Variants in PTPRM observed in about 807,000 individuals in gnomAD.
The protein encoded by PTPRM is protein tyrosine phosphatase receptor type M, also known as receptor-type tyrosine-protein phosphatase mu.
Under a neutral mutation model 186.7 loss-of-function variants are expected in PTPRM, and 47 were observed. That is an observed-to-expected ratio of 0.25 (90% CI 0.20 to 0.32). The LOEUF is 0.32. PTPRM is among the 10% of genes least tolerant of loss of function. The pLI, the probability that PTPRM is intolerant of heterozygous loss-of-function variation, is 1.00. For synonymous variants in PTPRM, 668 were observed against 674.9 expected, an observed-to-expected ratio of 0.99 and a Z score of 0.16; for missense variants, 1,494 against 1,865.0, an observed-to-expected ratio of 0.80 and a Z score of 3.66.
chr18:7,954,848 A>G lies in PTPRM; in HGVS notation c.839-273A>G, dbSNP rs75286504. Among the ~76,000 whole-genome samples the G allele has an allele frequency of 7.4e-4, 112 of 152,324 alleles. No individual in the cohort carries two copies. The East Asian group carries it at 0.02, about 28-fold the overall frequency. ...AAAAGTATCAGATATGCTAATTTGC[A>G]TATGCTATGCACGGTGGTTGGTGTC... On this transcript the variant is annotated intron_variant, in intron 6 of 32. Transcript: ENST00000580170.
chr18:7,979,310 G>A (rs2055172278), intron 7 of PTPRM, among the ~76,000 whole-genome samples: 1 of 152,140 alleles, frequency 6.6e-6, no homozygotes, highest in South Asian at 2.1e-4. Context: ...AACAATATGG[G>A]TTTCTATGTA....
intron 14 of PTPRM, among the ~76,000 whole-genome samples, chr18:8,237,458 T>G (rs2094359246): frequency 1.2e-5 from 1 of 84,332 alleles, no homozygotes; most frequent in African/African-American, 7.0e-5. Flanking sequence ...TTTTTTTTTT[T>G]TTTTCCTGAG....
At chr18:8,380,455 A>G in intron 29 of PTPRM, 28 bp downstream of exon 29, 1 of 1,613,448 alleles carries the variant, frequency 6.2e-7, no homozygotes, top group Non-Finnish European at 8.5e-7. Context: ...TACAGTCAGA[A>G]CTAGTGCCAG....
intron 2 of PTPRM, among the ~76,000 whole-genome samples, chr18:7,836,724 T>A (rs2046068649): frequency 6.6e-6 from 1 of 152,214 alleles, no homozygotes; most frequent in Non-Finnish European, 1.5e-5. Flanking sequence ...TAGTCTTTAT[T>A]CCCCTTCATG....
chr18:7,655,363 A>T (rs913210289), intron 1 of PTPRM, among the ~76,000 whole-genome samples: 3 of 152,136 alleles, frequency 2.0e-5, no homozygotes, highest in Admixed American at 2.0e-4. Context: ...CCCCACCTAC[A>T]CACATGTTAG....
intron 10 of PTPRM, among the ~76,000 whole-genome samples, chr18:8,088,462 G>A (rs2090545407): frequency 2.0e-5 from 3 of 152,118 alleles, no homozygotes; most frequent in Admixed American, 6.5e-5. Flanking sequence ...TGCTCATTTA[G>A]CCAGAATCCA....
chr18:8,004,330 G>A lies in PTPRM; in HGVS notation c.1132+48916G>A, dbSNP rs537466413. On this transcript the variant is annotated intron_variant, in intron 7 of 32. Coordinates refer to ENST00000580170, the MANE Select transcript of PTPRM (RefSeq NM_001105244.2). ...TAGCCTATGTTTTTATGTAAATTGT[G>A]TGTGTGTGCCATGTGAGTAATGTCT... 2.0e-5 allele frequency among the ~76,000 whole-genome samples: 3 copies of A among 152,258 alleles called. No homozygotes were observed. The East Asian group carries it at 5.8e-4, about 29-fold the overall frequency.
Position 7,668,865 on chromosome 18 carries a change from T to C in PTPRM, c.73+100974T>C, listed in dbSNP as rs2144463029. Among the ~76,000 whole-genome samples the C allele has an allele frequency of 6.6e-6, 1 of 152,192 alleles. No homozygotes were observed. Among genetic ancestry groups the C allele is most frequent in the South Asian group, 2.1e-4 (1 of 4,824 alleles). On this transcript the variant is annotated intron_variant, in intron 1 of 32. Transcript: ENST00000580170. This position sits in a 1 kb window ranked among gnomAD's most constrained non-coding sequence, Gnocchi z 4.7. ...CTTCTAGAATACTATATAATTTGTC[T>C]TTTAATTATCTTTGTTGTTTATTGC...
chr18:7,835,827 C>CTT (rs2046017942), intron 2 of PTPRM, among the ~76,000 whole-genome samples: 1 of 151,880 alleles, frequency 6.6e-6, no homozygotes, highest in Admixed American at 6.6e-5. Flanking sequence ...TAGTGACCTT[C>CTT]TTTGTCTCTT....
intron 3 of PTPRM, among the ~76,000 whole-genome samples, chr18:7,891,245 C>A (rs988190321): frequency 1.3e-5 from 2 of 151,956 alleles, no homozygotes; most frequent in African/African-American, 2.4e-5. Context: ...GTGGTCATGC[C>A]ACTGCACTCC....
In PTPRM at chr18:8,252,231, G is replaced by C. The variant is rs546714631; in HGVS notation, c.2555-257G>C. On this transcript the variant is annotated intron_variant, in intron 17 of 32. Transcript: ENST00000580170. ...ATAAGACTTATTTAGACATTACTTG[G>C]TTCATGGGGGATGAAAAGCAATTAT... Among the ~76,000 whole-genome samples the C allele has an allele frequency of 2.0e-5, 3 of 152,294 alleles. No homozygotes were observed. The South Asian group carries it at 6.2e-4, about 32-fold the overall frequency.
chr18:8,084,893 C>T (rs887837863), intron 9 of PTPRM, among the ~76,000 whole-genome samples: 3 of 152,118 alleles, frequency 2.0e-5, no homozygotes, highest in Non-Finnish European at 4.4e-5. Context: ...ACACTTCAGA[C>T]TCATCCAACA....
At chr18:7,843,963 C>G (rs990287879) in intron 2 of PTPRM, among the ~76,000 whole-genome samples, 1 of 152,150 alleles carries the variant, frequency 6.6e-6, no homozygotes, top group Non-Finnish European at 1.5e-5. Flanking sequence ...ATACATATGG[C>G]CTCTTCATGT....
intron 3 of PTPRM, among the ~76,000 whole-genome samples, chr18:7,895,431 T>C (rs1481666674): frequency 1.3e-5 from 2 of 152,240 alleles, no homozygotes; most frequent in African/African-American, 4.8e-5. Context: ...CAAATCCTTT[T>C]GTGGAACACT....
intron 1 of PTPRM, among the ~76,000 whole-genome samples, chr18:7,732,216 C>T (rs992375653): frequency 6.6e-6 from 1 of 152,162 alleles, no homozygotes; most frequent in African/African-American, 2.4e-5. Flanking sequence ...CTTCCCCAGC[C>T]CTGGCCATCA....
In PTPRM at chr18:7,701,133, G is replaced by A. The variant is rs754986287; in HGVS notation, c.74-73016G>A. On this transcript the variant is annotated intron_variant, in intron 1 of 32. Transcript: ENST00000580170. ...ACCCTGGACAACATGGTGAAACCCC[G>A]TTTCTACTAAAAATACAAAATTTAG... Among the ~76,000 whole-genome samples the A allele has an allele frequency of 2.7e-5, 4 of 150,784 alleles. 1 individual carries two copies. Among genetic ancestry groups the A allele is most frequent in the South Asian group, 4.2e-4 (2 of 4,754 alleles).
intron 30 of PTPRM, among the ~76,000 whole-genome samples, chr18:8,385,920 G>A (rs565489728): frequency 6.6e-6 from 1 of 152,284 alleles, no homozygotes; most frequent in South Asian, 2.1e-4. Context: ...GAGAGCAGGA[G>A]TGGAGGTCAT....
intron 7 of PTPRM, among the ~76,000 whole-genome samples, chr18:8,029,316 C>G (rs1704234475): frequency 6.7e-6 from 1 of 149,244 alleles, no homozygotes; most frequent in Admixed American, 6.6e-5. Flanking sequence ...AGTGCCCCTC[C>G]TCCACCTGTC....
intron 32 of PTPRM, among the ~76,000 whole-genome samples, chr18:8,400,552 G>A (rs2095866791): frequency 6.6e-6 from 1 of 152,210 alleles, no homozygotes; most frequent in African/African-American, 2.4e-5. Flanking sequence ...AGGAGGATCA[G>A]CGGGCCTCTC....
Sources: gnomAD v4.1 joint callset for allele counts (sites outside exome capture counted in the v4.1 genomes callset) on GRCh38, gnomAD v4.1.1 for gene constraint, Gnocchi (gnomAD v3.1) non-coding constraint, MANE v1.5 for transcripts, NCBI Gene and HGNC (gene_info 2026-07-23, HGNC 2026-07-21) for gene names.